AP3D1: variants seen among roughly 807,000 people sequenced by gnomAD.
The protein encoded by AP3D1 is adaptor related protein complex 3 subunit delta 1.
Under a neutral mutation model 147.6 loss-of-function variants are expected in AP3D1, and 51 were observed. The observed-to-expected ratio is 0.35, with a 90% CI of 0.28 to 0.44. The LOEUF (loss-of-function observed/expected upper bound fraction) is 0.44. Among genes scored for constraint, AP3D1 ranks in the 20% least tolerant of loss-of-function variants. The pLI is 1.00. For missense variants in AP3D1, 1,421 were observed against 1,624.2 expected (o/e 0.87, Z 2.15); for synonymous variants, 760 against 663.0 (o/e 1.15, Z -2.25).
At chr19:2,164,295 C>T (rs922135828) in intron 1 of AP3D1, 2 of 1,237,984 alleles carry the variant, frequency 1.6e-6, no homozygotes, top group Admixed American at 4.1e-5. Flanking sequence ...GTCCCTACCT[C>T]CCGGCCTCCC....
intron 14 of AP3D1, 107 bp from the exon 15 acceptor site, chr19:2,118,939 G>T: frequency 9.4e-7 from 1 of 1,060,186 alleles, no homozygotes. Context: ...GGTGACTCTG[G>T]GCCCTTCCCA....
chr19:2,112,919 C>A lies in AP3D1; in HGVS notation c.2728G>T (p.Asp910Tyr), dbSNP rs913034902. 1.9e-6 allele frequency: 3 copies of A among 1,613,316 alleles called. No individual in the cohort carries two copies. Among genetic ancestry groups the A allele is most frequent in the African/African-American group, 2.7e-5 (2 of 74,938 alleles). ...TCGCCCTGCGCCTCCGTCTTGGCGT[C>A]CTCACACTCGTCCTTCGGGGTAGTG... Reference protein sequence around the residue: ...TVTTPKDECEDAKTEAQGEED... With the variant: ...TVTTPKDECEYAKTEAQGEED... The change falls in exon 24 of 32, where the codon GAC (aspartate) becomes TAC (tyrosine). Residue 910 changes from aspartate to tyrosine, a missense_variant. Coordinates refer to ENST00000643116, the MANE Select transcript of AP3D1 (RefSeq NM_001261826.3).
At chr19:2,135,559 CAAAT>C (rs933613696) in intron 4 of AP3D1, among the ~76,000 whole-genome samples, 4 of 152,160 alleles carry the variant, frequency 2.6e-5, no homozygotes, top group African/African-American at 4.8e-5. Context: ...ACAAAACAAA[CAAAT>C]GACACACTGG....
upstream of AP3D1, among the ~76,000 whole-genome samples, chr19:2,153,911 G>A (rs1292164047): frequency 1.1e-4 from 9 of 84,994 alleles, no homozygotes; most frequent in South Asian, 3.1e-4. Flanking sequence ...CGCGATCTCC[G>A]CTCACTGCGG....
Position 2,121,866 on chromosome 19 carries a change from C to T in AP3D1, c.969G>A (p.Gly323=). 1 of 1,607,372 alleles carries T rather than the reference C, an allele frequency of 6.2e-7. No homozygotes were observed. Among genetic ancestry groups the T allele is most frequent in the Non-Finnish European group, 8.5e-7 (1 of 1,177,596 alleles). The change falls in exon 12 of 32, where the codon GGG becomes GGA. Residue 323 remains glycine (G), a synonymous_variant. Transcript: ENST00000643116. ...EDSDQNLKYL[G]LLAMSKILKT... ...TCAGGATCTTGGACATTGCCAGCAG[C>T]CCCAGGTACTTCACTGCAGAGAGAG...
Position 2,127,211 on chromosome 19 carries a change from G to C in AP3D1, c.807-10C>G, listed in dbSNP as rs768355099. ...AGACATGGCAGACGTGCTAAGGAAA[G>C]GAACACAGGGAAGCGGCATGAGGAC... On this transcript the variant is annotated splice_polypyrimidine_tract_variant and intron_variant, in intron 8 of 31. Coordinates refer to ENST00000643116, the MANE Select transcript of AP3D1 (RefSeq NM_001261826.3). 1.9e-5 allele frequency: 30 copies of C among 1,613,362 alleles called. No individual in the cohort carries two copies. Among genetic ancestry groups the C allele is most frequent in the Non-Finnish European group, 2.5e-5 (30 of 1,179,958 alleles).
intron 31 of AP3D1, among the ~76,000 whole-genome samples, chr19:2,104,531 C>T (rs1256994633): frequency 6.6e-6 from 1 of 151,736 alleles, no homozygotes; most frequent in Non-Finnish European, 1.5e-5. Context: ...AAGACACCAA[C>T]ACCCAGACCC....
At chr19:2,135,886 T>A (rs1055772198) in intron 4 of AP3D1, among the ~76,000 whole-genome samples, 1 of 150,834 alleles carries the variant, frequency 6.6e-6, no homozygotes, top group Admixed American at 6.6e-5. Flanking sequence ...TCCACCCTCC[T>A]CCCTCCCAGT....
intron 1 of AP3D1, among the ~76,000 whole-genome samples, chr19:2,149,210 G>A (rs939950147): frequency 8.5e-5 from 13 of 152,074 alleles, no homozygotes; most frequent in African/African-American, 2.4e-4. Context: ...CAGGGCCAAT[G>A]AGGAAGCCTG....
intron 1 of AP3D1, among the ~76,000 whole-genome samples, chr19:2,157,448 A>AG (rs1485466342): frequency 9.0e-5 from 7 of 77,430 alleles, no homozygotes; most frequent in African/African-American, 2.1e-4. Flanking sequence ...TCTCAAAAAA[A>AG]AAAAAAAAAA....
intron 17 of AP3D1, 114 bp downstream of exon 17, chr19:2,116,491 G>A (rs2018453302): frequency 7.3e-7 from 1 of 1,373,746 alleles, no homozygotes; most frequent in Non-Finnish European, 9.6e-7. Flanking sequence ...GGACGCCCAT[G>A]CCTCCACTGC....
In AP3D1 at chr19:2,117,000, G is replaced by A. The variant is rs2018474212; in HGVS notation, c.1859+222C>T. The A allele has an allele frequency of 1.1e-5, 9 of 795,848 alleles. No individual in the cohort carries two copies. In the South Asian group the frequency reaches 1.7e-4, roughly 15 times the overall value. The allele number at this position is 795,848 out of a possible 1,614,324, so 49.3% of individuals were successfully genotyped here. A position where few individuals can be genotyped will look rare whatever the true frequency, so the allele number is the denominator to read the frequency against. ...GCCTCAGAGCTTTATGGCAAGGGTG[G>A]GAGCAGGCCCACTTCGCAGGGAGCA... is the stretch of plus-strand genomic sequence containing the variant. On this transcript the variant is annotated intron_variant, in intron 16 of 31. Coordinates refer to ENST00000643116, the MANE Select transcript of AP3D1 (RefSeq NM_001261826.3).
At chr19:2,113,149 C>T (rs1180484375) in intron 23 of AP3D1, 182 bp from the exon 24 acceptor site, 2 of 627,268 alleles carry the variant, frequency 3.2e-6, no homozygotes, top group East Asian at 5.7e-5. Flanking sequence ...TCCCCTTCCC[C>T]TGGCCCCTGC....
rs1013717733 is a variant in AP3D1 at position 2,123,948 on chromosome 19, C to T, written c.857-69G>A. 12 of 1,511,936 alleles carry T rather than the reference C, an allele frequency of 7.9e-6. No individual in the cohort carries two copies. In the African/African-American group the frequency reaches 8.3e-5, roughly 10 times the overall value. The allele number at this position is 1,511,936 out of a possible 1,614,324, so 93.7% of individuals were successfully genotyped here. ...CAGCGCCGACACCAACTCAGGGCCA[C>T]GGGGCACCAGCACCCCCTCGCCGGG... On this transcript the variant is annotated intron_variant, in intron 9 of 31. Coordinates refer to ENST00000643116, the MANE Select transcript of AP3D1 (RefSeq NM_001261826.3).
intron 1 of AP3D1, among the ~76,000 whole-genome samples, chr19:2,144,069 A>G (rs1599492544): frequency 6.7e-6 from 1 of 150,200 alleles, no homozygotes; most frequent in African/African-American, 2.4e-5. Context: ...CTGGGCAACA[A>G]GAGTGAAACT....
Position 2,110,238 on chromosome 19 carries a change from G to A in AP3D1, c.3176-14C>T. On this transcript the variant is annotated splice_polypyrimidine_tract_variant and intron_variant, in intron 27 of 31. Coordinates refer to ENST00000643116, the MANE Select transcript of AP3D1 (RefSeq NM_001261826.3). Reference sequence around the variant, plus strand: ...CGTTGGAGACGCCTGGCGGGGGCGAGAGGGAGTGGGGCCTGAGACGCTGCG... The same window carrying A: ...CGTTGGAGACGCCTGGCGGGGGCGAAAGGGAGTGGGGCCTGAGACGCTGCG... 2 of 1,609,890 alleles carry A rather than the reference G, an allele frequency of 1.2e-6. No homozygotes were observed. Among genetic ancestry groups the A allele is most frequent in the South Asian group, 1.1e-5 (1 of 90,982 alleles).
chr19:2,122,750 GA>G (rs2018646525), intron 11 of AP3D1, among the ~76,000 whole-genome samples: 1 of 152,202 alleles, frequency 6.6e-6, no homozygotes, highest in East Asian at 1.9e-4. Context: ...GGGGGTACCT[GA>G]AACCTCAGAT....
intron 31 of AP3D1, among the ~76,000 whole-genome samples, chr19:2,104,401 C>T (rs1252361939): frequency 6.7e-6 from 1 of 148,666 alleles, no homozygotes; most frequent in Non-Finnish European, 1.5e-5. Context: ...CTCCAAGACG[C>T]CAACACCCAG....
chr19:2,122,219 G>A (rs1175531325), intron 11 of AP3D1, among the ~76,000 whole-genome samples: 4 of 149,664 alleles, frequency 2.7e-5, no homozygotes, highest in Admixed American at 6.7e-5. Flanking sequence ...AGCAGCAGCA[G>A]CAGATACCCT....
Sources: allele counts gnomAD v4.1 joint callset (sites outside exome capture counted in the v4.1 genomes callset), GRCh38; gene constraint gnomAD v4.1.1; transcripts MANE v1.5; gene names NCBI Gene and HGNC (gene_info 2026-07-23, HGNC 2026-07-21).